Variants in NALF1 observed in about 807,000 individuals in gnomAD.
The protein encoded by NALF1 is NALCN channel auxiliary factor 1.
NALF1 carries 3 observed loss-of-function variants against 48.4 expected under a neutral mutation model. The ratio of observed to expected loss-of-function variants is 0.06; its 90% CI spans 0.03 to 0.16. The LOEUF is 0.16. Among genes scored for constraint, NALF1 ranks in the 10% least tolerant of loss-of-function variants. NALF1 has a pLI of 1.00. For synonymous variants in NALF1, 262 were observed against 245.7 expected (o/e 1.07, Z -0.62); for missense variants, 526 against 571.5 (o/e 0.92, Z 0.81).
At chr13:107,603,145 C>A (rs1273278984) in intron 1 of NALF1, among the ~76,000 whole-genome samples, 1 of 152,068 alleles carries the variant, frequency 6.6e-6, no homozygotes, top group Non-Finnish European at 1.5e-5. Flanking sequence ...TTTTATTTTT[C>A]ATTGTACTGA....
At chr13:107,524,206 A>C (rs897413853) in intron 1 of NALF1, among the ~76,000 whole-genome samples, 70 of 152,254 alleles carry the variant, frequency 4.6e-4, no homozygotes, top group African/African-American at 1.7e-3. Flanking sequence ...ATGCATGAAA[A>C]TTTCTATTCC....
intron 1 of NALF1, among the ~76,000 whole-genome samples, chr13:107,575,876 C>A (rs1296256620): frequency 1.3e-5 from 2 of 151,774 alleles, no homozygotes; most frequent in African/African-American, 2.4e-5. Context: ...AAATGAAGTG[C>A]AAAGACGTAT....
intron 1 of NALF1, among the ~76,000 whole-genome samples, chr13:107,776,818 T>C (rs1286572097): frequency 1.3e-5 from 2 of 152,198 alleles, no homozygotes; most frequent in Non-Finnish European, 2.9e-5. Flanking sequence ...TGGCCGGACA[T>C]GTTGGCTCAT....
intron 1 of NALF1, among the ~76,000 whole-genome samples, chr13:107,475,959 C>A (rs761438289): frequency 3.8e-4 from 58 of 152,024 alleles, no homozygotes; most frequent in Admixed American, 2.8e-3. Flanking sequence ...TGAGAAAAAG[C>A]AATCCCAAAA....
chr13:107,545,026 C>T (rs1198184431), intron 1 of NALF1, among the ~76,000 whole-genome samples: 1 of 152,142 alleles, frequency 6.6e-6, no homozygotes, highest in African/African-American at 2.4e-5. Context: ...GCGTTATGGG[C>T]TAAGTTGCCC....
intron 1 of NALF1, among the ~76,000 whole-genome samples, chr13:107,329,338 A>C (rs1882423795): frequency 6.6e-6 from 1 of 152,140 alleles, no homozygotes; most frequent in African/African-American, 2.4e-5. Flanking sequence ...TTTAATAACA[A>C]ATGTTGTGAA....
intron 1 of NALF1, among the ~76,000 whole-genome samples, chr13:107,234,491 G>GATGC (rs1880296994): frequency 1.3e-5 from 2 of 152,062 alleles, no homozygotes; most frequent in African/African-American, 4.8e-5. Flanking sequence ...TCAAAGACAG[G>GATGC]CGGGACAGCC....
intron 1 of NALF1, among the ~76,000 whole-genome samples, chr13:107,338,735 G>C (rs964784209): frequency 5.3e-5 from 8 of 152,120 alleles, no homozygotes; most frequent in Admixed American, 2.6e-4. Context: ...ACAGTTGTGA[G>C]GTATAAAAGG....
intron 1 of NALF1, among the ~76,000 whole-genome samples, chr13:107,682,839 G>C (rs1881339092): frequency 6.6e-6 from 1 of 152,146 alleles, no homozygotes; most frequent in Admixed American, 6.5e-5. Context: ...AGGTGCAGTC[G>C]ACTTTCCAAT....
intron 1 of NALF1, among the ~76,000 whole-genome samples, chr13:107,306,276 G>A (rs1037241664): frequency 2.6e-5 from 4 of 152,112 alleles, no homozygotes; most frequent in East Asian, 1.9e-4. Context: ...CTGTTGGACC[G>A]TGGTAATGGA....
At chr13:107,300,480 T>C (rs1337925601) in intron 1 of NALF1, among the ~76,000 whole-genome samples, 1 of 152,242 alleles carries the variant, frequency 6.6e-6, no homozygotes, top group Admixed American at 6.5e-5. Flanking sequence ...GAATGATTCA[T>C]ATTAATATTT....
chr13:107,646,140 C>G (rs1880308639), intron 1 of NALF1, among the ~76,000 whole-genome samples: 1 of 152,104 alleles, frequency 6.6e-6, no homozygotes, highest in Non-Finnish European at 1.5e-5. Context: ...AAAATTGCAT[C>G]TAACGTTTCT....
chr13:107,345,839 C>T (rs1458183550), intron 1 of NALF1, among the ~76,000 whole-genome samples: 1 of 152,138 alleles, frequency 6.6e-6, no homozygotes, highest in Non-Finnish European at 1.5e-5. Flanking sequence ...AAAATATTTC[C>T]AACCCTTTAT....
At chr13:107,439,294 G>A (rs1292204227) in intron 1 of NALF1, among the ~76,000 whole-genome samples, 2 of 152,114 alleles carry the variant, frequency 1.3e-5, no homozygotes, top group South Asian at 2.1e-4. Context: ...AACATCTAAC[G>A]AAAAATACAA....
chr13:107,609,753 A>G (rs1040290587), intron 1 of NALF1, among the ~76,000 whole-genome samples: 4 of 152,244 alleles, frequency 2.6e-5, no homozygotes, highest in African/African-American at 9.6e-5. Context: ...ACTGTTGTCA[A>G]AGAATATCAT....
intron 1 of NALF1, among the ~76,000 whole-genome samples, chr13:107,694,314 ATT>A (rs5806680): frequency 1.3e-5 from 2 of 151,344 alleles, no homozygotes; most frequent in Non-Finnish European, 2.9e-5. Context: ...TGCTTTATAC[ATT>A]TTTTTTTGCC....
intron 1 of NALF1, among the ~76,000 whole-genome samples, chr13:107,784,307 T>C (rs1402545651): frequency 1.3e-5 from 2 of 152,194 alleles, no homozygotes; most frequent in African/African-American, 2.4e-5. Context: ...TGCAGGTAAC[T>C]ACTGAAACAA....
intron 1 of NALF1, among the ~76,000 whole-genome samples, chr13:107,264,173 G>T (rs558136207): frequency 2.6e-4 from 40 of 152,240 alleles, no homozygotes; most frequent in South Asian, 1.0e-3. Context: ...TGACTTCATA[G>T]AATCTTTTCA....
At chr13:107,823,997 T>TATTA (rs1328717743) in intron 1 of NALF1, among the ~76,000 whole-genome samples, 2 of 151,700 alleles carry the variant, frequency 1.3e-5, no homozygotes, top group African/African-American at 4.8e-5. Context: ...TTATTATTAT[T>TATTA]ATTATTATTG....
Sources: gnomAD v4.1 joint callset for allele counts (sites outside exome capture counted in the v4.1 genomes callset) on GRCh38, gnomAD v4.1.1 for gene constraint, MANE v1.5 for transcripts, NCBI Gene and HGNC (gene_info 2026-07-23, HGNC 2026-07-21) for gene names.